Variants in PLAUR observed in about 807,000 individuals in gnomAD.
PLAUR encodes the protein urokinase plasminogen activator surface receptor.
A neutral mutation model predicts 33.4 loss-of-function variants in PLAUR; 22 were observed. The observed-to-expected ratio is 0.66, with a 90% CI of 0.47 to 0.94. The LOEUF is 0.94. Ranked by LOEUF, PLAUR falls within the 40% of genes least tolerant of loss-of-function variation. The pLI, the probability that PLAUR is intolerant of heterozygous loss-of-function variation, is 0.00. For missense variants in PLAUR, 408 were observed against 434.7 expected, an observed-to-expected ratio of 0.94 and a Z score of 0.55; for synonymous variants, 148 against 167.3, an observed-to-expected ratio of 0.88 and a Z score of 0.89.
Position 43,649,117 on chromosome 19 carries a change from T to C in PLAUR, c.781A>G (p.Arg261Gly). ...HEPKNQSYMV[R>G]GCATASMCQH... Reference sequence around the variant, plus strand: ...CACATTGAGGCGGTTGCACAGCCTCTTACCATATAGCTTTGGTTTTTCGGT... The same window carrying C: ...CACATTGAGGCGGTTGCACAGCCTCCTACCATATAGCTTTGGTTTTTCGGT... The change falls in exon 7 of 7, where the codon AGA (arginine) becomes GGA (glycine). Residue 261 changes from arginine (R) to glycine (G), a missense_variant. Physicochemically the swap from Arg to Gly is moderately radical, Grantham distance 125 (BLOSUM62 -2). Coordinates refer to ENST00000340093, the MANE Select transcript of PLAUR (RefSeq NM_002659.4). 6.2e-7 allele frequency: 1 copy of C among 1,613,248 alleles called. No individual in the cohort carries two copies.
chr19:43,656,624 A>G lies in PLAUR; in HGVS notation c.327T>C (p.Tyr109=), dbSNP rs144713292. 1.9e-6 allele frequency: 3 copies of G among 1,605,610 alleles called. No homozygotes were observed. In the African/African-American group the frequency reaches 4.0e-5, roughly 21 times the overall value. ...TGCATTCGAGGTAACGGCTTCGGGAATAGGTGACAGCCCGGCCTGTTTGGA... is the reference window on the plus strand; with the variant it reads ...TGCATTCGAGGTAACGGCTTCGGGAGTAGGTGACAGCCCGGCCTGTTTGGA... ...NQGNSGRAVT[Y]SRSRYLECIS... Residue 109 remains tyrosine (Y), a synonymous_variant, in exon 4 of 7, where the codon TAT becomes TAC. Transcript: ENST00000340093.
intron 3 of PLAUR, among the ~76,000 whole-genome samples, chr19:43,658,081 A>G (rs4251864): frequency 0.15 from 22,725 of 151,684 alleles, 2,241 homozygotes; most frequent in East Asian, 0.3. Context: ...AGGATGCCCT[A>G]TGTAGTCAAC....
At chr19:43,656,407 G>T in intron 4 of PLAUR, 72 bp downstream of exon 4, 1 of 1,351,792 alleles carries the variant, frequency 7.4e-7, no homozygotes, top group Non-Finnish European at 1.0e-6. Flanking sequence ...GTTACTTTGG[G>T]GTTGTTTGTT....
chr19:43,667,176 C>T (rs1967291163), intron 2 of PLAUR: 1 of 202,450 alleles, frequency 4.9e-6, no homozygotes, highest in Non-Finnish European at 1.0e-5. Context: ...TGAGCCAGTG[C>T]CCAGCCTGTT....
chr19:43,658,140 A>G (rs1310453852), intron 3 of PLAUR, among the ~76,000 whole-genome samples: 1 of 152,206 alleles, frequency 6.6e-6, no homozygotes, highest in Non-Finnish European at 1.5e-5. Context: ...TAGATCATAG[A>G]ACACATGCCT....
chr19:43,668,638 G>C (rs1274084330), intron 1 of PLAUR, among the ~76,000 whole-genome samples: 1 of 43,538 alleles, frequency 2.3e-5, no homozygotes, highest in African/African-American at 9.4e-5. Context: ...GCCCAGCCCC[G>C]TAGCTCCTCC....
intron 5 of PLAUR, among the ~76,000 whole-genome samples, chr19:43,652,716 T>C (rs1974047553): frequency 6.6e-6 from 1 of 152,106 alleles, no homozygotes. Context: ...AGTGGCGCAA[T>C]TGTAGCTCAC....
At chr19:43,664,145 C>T (rs950224459) in intron 3 of PLAUR, among the ~76,000 whole-genome samples, 1 of 152,110 alleles carries the variant, frequency 6.6e-6, no homozygotes, top group Non-Finnish European at 1.5e-5. Context: ...GGGAAGCCCA[C>T]ATCCTCTCGT....
intron 5 of PLAUR, among the ~76,000 whole-genome samples, chr19:43,653,888 G>T (rs1179632051): frequency 2.0e-5 from 3 of 151,880 alleles, no homozygotes; most frequent in Non-Finnish European, 4.4e-5. Flanking sequence ...CACTTTGGGA[G>T]GCTGAGTCAG....
At position 43,650,165 on chromosome 19, in the gene PLAUR, C is replaced by A. The variant is rs1973936804; in HGVS notation, c.755-1022G>T. On this transcript the variant is annotated intron_variant, in intron 6 of 6. Transcript: ENST00000340093. The stretch of plus-strand genomic sequence containing the variant: ...TAGCTGGGACTACAGGCGCGACCAC[C>A]ATGCCCAGCTAATTTTTGTATTTCT... Among the ~76,000 whole-genome samples, 3 of 152,018 alleles carry A rather than the reference C, an allele frequency of 2.0e-5. No individual in the cohort carries two copies. The South Asian group carries it at 6.2e-4, about 32-fold the overall frequency.
chr19:43,652,983 A>G (rs1453187638), intron 5 of PLAUR, among the ~76,000 whole-genome samples: 1 of 151,824 alleles, frequency 6.6e-6, no homozygotes, highest in Non-Finnish European at 1.5e-5. Context: ...TATTATTACT[A>G]AAAAATTTTT....
In PLAUR at chr19:43,665,451, C is replaced by T. The variant is rs763180998; in HGVS notation, c.175G>A (p.Glu59Lys). The change falls in exon 3 of 7, where the codon GAG (glutamate) becomes AAG (lysine). Residue 59 changes from glutamate to lysine, a missense_variant. Transcript: ENST00000340093. Reference sequence around the variant, plus strand: ...CAGCTTTTCTCCACCAGCTCCAGCTCTTCTCCTTCTGCAAGGAGGGGATCT... The same window carrying T: ...CAGCTTTTCTCCACCAGCTCCAGCTTTTCTCCTTCTGCAAGGAGGGGATCT... Reference protein sequence around the residue: ...TIVRLWEEGEELELVEKSCTH... With the variant: ...TIVRLWEEGEKLELVEKSCTH... The T allele has an allele frequency of 1.2e-6, 2 of 1,613,070 alleles. No individual in the cohort carries two copies. Among genetic ancestry groups the T allele is most frequent in the East Asian group, 4.5e-5 (2 of 44,674 alleles).
At chr19:43,656,340 C>T (rs916190664) in intron 4 of PLAUR, 139 bp downstream of exon 4, 1 of 663,504 alleles carries the variant, frequency 1.5e-6, no homozygotes, top group African/African-American at 1.9e-5. Flanking sequence ...TGGCCCTGGA[C>T]TTCCTATCAC....
intron 6 of PLAUR, among the ~76,000 whole-genome samples, chr19:43,650,909 T>C (rs1973966910): frequency 6.6e-6 from 1 of 151,410 alleles, no homozygotes; most frequent in Non-Finnish European, 1.5e-5. Flanking sequence ...GGCTCATGCC[T>C]GTAATCCCAG....
chr19:43,661,547 C>A (rs1455149771), intron 3 of PLAUR: 1 of 152,162 alleles, frequency 6.6e-6, no homozygotes, highest in Non-Finnish European at 1.5e-5. Flanking sequence ...CAGGCATGTG[C>A]CACCACGCCT....
chr19:43,658,935 C>T (rs1260533481), intron 3 of PLAUR, among the ~76,000 whole-genome samples: 1 of 152,104 alleles, frequency 6.6e-6, no homozygotes, highest in Non-Finnish European at 1.5e-5. Context: ...TCCTTGAGCC[C>T]TACTTTCTCT....
Position 43,648,733 on chromosome 19 carries a change from C to T in PLAUR, c.*157G>A, listed in dbSNP as rs1280023230. 1 of 932,614 alleles carries T rather than the reference C, an allele frequency of 1.1e-6. No homozygotes were observed. Among genetic ancestry groups the T allele is most frequent in the Non-Finnish European group, 1.6e-6 (1 of 631,436 alleles). 57.8% of individuals were successfully genotyped at this position (932,614 alleles called of 1,614,324 possible). On this transcript the variant is annotated 3_prime_UTR_variant, in exon 7 of 7. Coordinates refer to ENST00000340093, the MANE Select transcript of PLAUR (RefSeq NM_002659.4). ...AGCTTTTCTCTTCTGCTTCACACAA[C>T]TTTGTGAGATAGCTGTTTTCATAGC...
In PLAUR at chr19:43,651,299, A is replaced by G. The variant is rs1178677084; in HGVS notation, c.754+926T>C. ...ACCATGTTGGTCAGGCTGGTCTTGA[A>G]CTCCCGACCTCAGGTGATCTACCCA... On this transcript the variant is annotated intron_variant, in intron 6 of 6. Coordinates refer to ENST00000340093, the MANE Select transcript of PLAUR (RefSeq NM_002659.4). 2.6e-5 allele frequency among the ~76,000 whole-genome samples: 4 copies of G among 151,012 alleles called. No individual in the cohort carries two copies. The East Asian group carries it at 7.9e-4, about 30-fold the overall frequency.
At chr19:43,652,079 C>A (rs968163386) in intron 6 of PLAUR, 146 bp downstream of exon 6, 86 of 1,464,260 alleles carry the variant, frequency 5.9e-5, no homozygotes, top group Non-Finnish European at 7.6e-5. Flanking sequence ...TAATTCCTTA[C>A]AATAATATTC....
Sources: allele counts gnomAD v4.1 joint callset (sites outside exome capture counted in the v4.1 genomes callset), GRCh38; gene constraint gnomAD v4.1.1; transcripts MANE v1.5; gene names NCBI Gene and HGNC (gene_info 2026-07-23, HGNC 2026-07-21).